The following ZNF536 variants were observed in gnomAD, a reference collection of about 807,000 sequenced individuals.
ZNF536 encodes the protein zinc finger protein 536.
In ZNF536, 13 loss-of-function variants were observed where a neutral mutation model predicts 84.5. The observed-to-expected ratio is 0.15, with a 90% CI of 0.10 to 0.24. The LOEUF is 0.24. ZNF536 is among the 10% of genes least tolerant of loss of function. The probability of loss-of-function intolerance (pLI) is 1.00; values close to 1 mark genes in which losing one functional copy is unlikely to be tolerated. For synonymous variants in ZNF536, 811 were observed against 742.5 expected, an observed-to-expected ratio of 1.09 and a Z score of -1.50; for missense variants, 1,536 against 1,747.5, an observed-to-expected ratio of 0.88 and a Z score of 2.16.
At chr19:30,374,655 A>G (rs919684382) in intron 1 of ZNF536, among the ~76,000 whole-genome samples, 3 of 151,130 alleles carry the variant, frequency 2.0e-5, no homozygotes, top group African/African-American at 7.3e-5. Flanking sequence ...TTGGCAAGAA[A>G]ACAAACCCAA....
intron 2 of ZNF536, among the ~76,000 whole-genome samples, chr19:30,487,369 G>T (rs188384293): frequency 6.6e-6 from 1 of 152,132 alleles, no homozygotes; most frequent in Non-Finnish European, 1.5e-5. Flanking sequence ...TTTCAGGAGT[G>T]TGCACAAGAA....
chr19:30,244,403 C>T (rs1483447232), intron 1 of ZNF536, among the ~76,000 whole-genome samples: 1 of 152,114 alleles, frequency 6.6e-6, no homozygotes, highest in Non-Finnish European at 1.5e-5. Flanking sequence ...CCTTTGTTTT[C>T]CAGGGATCAC....
chr19:30,496,787 C>G (rs2054738358), intron 2 of ZNF536, among the ~76,000 whole-genome samples: 1 of 151,506 alleles, frequency 6.6e-6, no homozygotes, highest in Non-Finnish European at 1.5e-5. Flanking sequence ...CGAGTAGATG[C>G]TTTTTATGGT....
Position 30,279,841 on chromosome 19 carries a change from C to T in ZNF536, c.-189-4231C>T, listed in dbSNP as rs563783862. Reference sequence around the variant, plus strand: ...ACCATGTCCTTCCCCGGGCAGAGGGCCGAAGGAGCCGGACTGGCTTTCTCT... The same window carrying T: ...ACCATGTCCTTCCCCGGGCAGAGGGTCGAAGGAGCCGGACTGGCTTTCTCT... On this transcript the variant is annotated intron_variant, in intron 1 of 5. Transcript: ENST00000585628. Among the ~76,000 whole-genome samples, 10 of 152,292 alleles carry T rather than the reference C, an allele frequency of 6.6e-5. No homozygotes were observed. In the East Asian group the frequency reaches 1.7e-3, roughly 26 times the overall value.
chr19:30,272,444 A>G (rs754273401), intron 1 of ZNF536, among the ~76,000 whole-genome samples: 2 of 152,192 alleles, frequency 1.3e-5, no homozygotes, highest in Non-Finnish European at 2.9e-5. Flanking sequence ...GAAAATTCAT[A>G]ATTTATATTC....
chr19:30,264,187 CG>C (rs1342173370), intron 1 of ZNF536, among the ~76,000 whole-genome samples: 1 of 152,124 alleles, frequency 6.6e-6, no homozygotes, highest in Non-Finnish European at 1.5e-5. Flanking sequence ...CTAATCAGCC[CG>C]GAGAGGCCTG....
At chr19:30,484,226 A>AT (rs554903479) in intron 2 of ZNF536, among the ~76,000 whole-genome samples, 12,522 of 122,014 alleles carry the variant, frequency 0.1, 752 homozygotes, top group South Asian at 0.14. Context: ...TCTCATTTTG[A>AT]TTTTTTTTTT....
At chr19:30,699,309 A>T (rs2051794720) in intron 1 of ZNF536, among the ~76,000 whole-genome samples, 1 of 151,776 alleles carries the variant, frequency 6.6e-6, no homozygotes, top group Admixed American at 6.6e-5. Flanking sequence ...TTGTGTACTA[A>T]CTCCTGTATA....
chr19:30,684,456 A>G (rs1269377305), intron 1 of ZNF536, among the ~76,000 whole-genome samples: 1 of 152,212 alleles, frequency 6.6e-6, no homozygotes, highest in African/African-American at 2.4e-5. Flanking sequence ...ATCTTAATGC[A>G]TAAACTGCTT....
At chr19:30,398,388 C>CTTTTTTTT (rs34335848) in intron 1 of ZNF536, among the ~76,000 whole-genome samples, 1 of 147,004 alleles carries the variant, frequency 6.8e-6, no homozygotes, top group African/African-American at 2.5e-5. Flanking sequence ...TTTTCTTTTT[C>CTTTTTTTT]TTTTTTTTTT....
chr19:30,232,188 G>A (rs1007035522), intron 1 of ZNF536, among the ~76,000 whole-genome samples: 2 of 152,176 alleles, frequency 1.3e-5, no homozygotes, highest in Non-Finnish European at 2.9e-5. Flanking sequence ...GCCATCAACG[G>A]GCTCCTGTTG....
chr19:30,476,671 G>A (rs954007658), intron 2 of ZNF536, among the ~76,000 whole-genome samples: 2 of 152,208 alleles, frequency 1.3e-5, no homozygotes, highest in Admixed American at 1.3e-4. Context: ...AGGCTTGGAG[G>A]CAGGGAAGCT....
upstream of ZNF536, among the ~76,000 whole-genome samples, chr19:30,370,166 G>C (rs961735368): frequency 2.6e-5 from 4 of 152,208 alleles, no homozygotes; most frequent in Admixed American, 2.0e-4. Flanking sequence ...ACTATGGCTT[G>C]TTCACTCAAT....
At chr19:30,490,756 G>A (rs2054476155) in intron 2 of ZNF536, among the ~76,000 whole-genome samples, 1 of 152,178 alleles carries the variant, frequency 6.6e-6, no homozygotes, top group Admixed American at 6.5e-5. Flanking sequence ...CAAGTATTCG[G>A]GATTGCCCAC....
intron 1 of ZNF536, among the ~76,000 whole-genome samples, chr19:30,262,489 G>A (rs1473451690): frequency 6.6e-6 from 1 of 152,224 alleles, no homozygotes; most frequent in Non-Finnish European, 1.5e-5. Flanking sequence ...GGGTTTTGGG[G>A]ACTGACAGAT....
chr19:30,614,021 C>T (rs1284486772), intron 1 of ZNF536, among the ~76,000 whole-genome samples: 1 of 152,174 alleles, frequency 6.6e-6, no homozygotes, highest in Non-Finnish European at 1.5e-5. Flanking sequence ...TGCCACCATG[C>T]CCAGCTAATT....
intron 1 of ZNF536, among the ~76,000 whole-genome samples, chr19:30,282,350 G>A (rs899887459): frequency 6.6e-6 from 1 of 152,216 alleles, no homozygotes; most frequent in African/African-American, 2.4e-5. Flanking sequence ...CTTGTGCTGG[G>A]CCCTTTCATG....
At chr19:30,519,137 G>T (rs545256406) in intron 2 of ZNF536, among the ~76,000 whole-genome samples, 1 of 152,348 alleles carries the variant, frequency 6.6e-6, no homozygotes, top group African/African-American at 2.4e-5. Flanking sequence ...ACCAGCAACG[G>T]TTCAAGGCCA....
chr19:30,482,204 TG>T (rs1245411380), intron 2 of ZNF536, among the ~76,000 whole-genome samples: 1 of 152,190 alleles, frequency 6.6e-6, no homozygotes, highest in African/African-American at 2.4e-5. Context: ...TATCCAGTAT[TG>T]GGACTGCTAG....
Sources: allele counts gnomAD v4.1 joint callset (sites outside exome capture counted in the v4.1 genomes callset), GRCh38; gene constraint gnomAD v4.1.1; transcripts MANE v1.5; gene names NCBI Gene and HGNC (gene_info 2026-07-23, HGNC 2026-07-21).